C1RL: variants seen among roughly 807,000 people sequenced by gnomAD.
The protein encoded by C1RL is complement C1r subcomponent like.
Under a neutral mutation model 27.9 loss-of-function variants are expected in C1RL, and 27 were observed. The ratio of observed to expected loss-of-function variants is 0.97; its 90% CI spans 0.71 to 1.33. The LOEUF is 1.33. C1RL is among the 40% of genes most tolerant of loss of function. The pLI is 0.00. For missense variants in C1RL, 563 were observed against 623.9 expected, an observed-to-expected ratio of 0.90 and a Z score of 1.04; for synonymous variants, 248 against 252.1, an observed-to-expected ratio of 0.98 and a Z score of 0.15.
At chr12:7,100,103 G>A in intron 3 of C1RL, 77 bp from the exon 4 acceptor site, 7 of 1,412,654 alleles carry the variant, frequency 5.0e-6, no homozygotes, top group Non-Finnish European at 6.7e-6. Flanking sequence ...GCTATACTTG[G>A]TTTGACTTGC....
At position 7,097,598 on chromosome 12, in the gene C1RL, T is replaced by C. The variant is rs117698471; in HGVS notation, c.692-435A>G. ...CGCCTGGCCGGGATCAGGACTCTTA[T>C]ACTGATGCAGACCCACGGTGTAGAC... is the stretch of plus-strand genomic sequence containing the variant. On this transcript the variant is annotated intron_variant, in intron 5 of 5. Transcript: ENST00000266542. 2.9e-3 allele frequency among the ~76,000 whole-genome samples: 448 copies of C among 152,238 alleles called. 7 individuals carry two copies. Among genetic ancestry groups the C allele is most frequent in the East Asian group, 0.026 (134 of 5,144 alleles).
In C1RL at chr12:7,096,748, G is replaced by T. The variant is rs774044185; in HGVS notation, c.1107C>A (p.Ser369Arg). ...CLPDNETLYR[S>R]GLLGYVSGFG... ...ACCCACTGACGTAGCCCAACAAGCCGCTGCGGTAGAGGGTCTCATTATCGG... is the reference window on the plus strand; with the variant it reads ...ACCCACTGACGTAGCCCAACAAGCCTCTGCGGTAGAGGGTCTCATTATCGG... Residue 369 changes from serine (S) to arginine (R), a missense_variant, in exon 6 of 6, where the codon AGC (serine) becomes AGA (arginine). Ser to Arg is a moderately radical substitution (Grantham distance 110). Transcript: ENST00000266542. 6.2e-7 allele frequency: 1 copy of T among 1,611,094 alleles called. No homozygotes were observed. Among genetic ancestry groups the T allele is most frequent in the Non-Finnish European group, 8.5e-7 (1 of 1,178,270 alleles).
intron 1 of C1RL, 84 bp downstream of exon 1, chr12:7,109,026 G>T (rs1202475851): frequency 9.2e-6 from 5 of 544,886 alleles, no homozygotes; most frequent in East Asian, 5.6e-5. Context: ...GGGGTAGGGT[G>T]GGGGGAGGGA....
chr12:7,099,056 AAT>A (rs1446997819), intron 5 of C1RL, among the ~76,000 whole-genome samples: 7 of 145,804 alleles, frequency 4.8e-5, no homozygotes, highest in Admixed American at 3.4e-4. Context: ...AAAAAAAAAA[AAT>A]AAAATAAAAT....
rs200720903 is a variant in C1RL at position 7,101,869 on chromosome 12, C to T, written c.490+29G>A. 4 of 1,609,572 alleles carry T rather than the reference C, an allele frequency of 2.5e-6. No individual in the cohort carries two copies. The African/African-American group carries it at 5.3e-5, about 21-fold the overall frequency. On this transcript the variant is annotated intron_variant, in intron 3 of 5. Coordinates refer to ENST00000266542, the MANE Select transcript of C1RL (RefSeq NM_016546.4). Reference sequence around the variant, plus strand: ...GGTCATGGCTGGGAACAGAGGCTCCCTCCCTGCACCCCCAGGAGGGACACT... The same window carrying T: ...GGTCATGGCTGGGAACAGAGGCTCCTTCCCTGCACCCCCAGGAGGGACACT...
At chr12:7,108,996 G>GT in intron 1 of C1RL, 114 bp downstream of exon 1, 1 of 390,004 alleles carries the variant, frequency 2.6e-6, no homozygotes, top group Non-Finnish European at 4.6e-6. Flanking sequence ...TGTGGGGGGG[G>GT]GGGGGATGTG....
At position 7,094,678 on chromosome 12, in the gene C1RL, G is replaced by C; in HGVS notation, c.*1713C>G. ...CATTAAACAAATTTTAGCCAATAGA[G>C]AATAGTGGAAAACCAAACAGCCAAA... On this transcript the variant is annotated 3_prime_UTR_variant, in exon 6 of 6. Transcript: ENST00000266542. 1 of 980,472 alleles carries C rather than the reference G, an allele frequency of 1.0e-6. No homozygotes were observed. The highest frequency in any genetic ancestry group is 1.2e-6 in the Non-Finnish European group (1 of 825,664). 60.7% of individuals were successfully genotyped at this position (980,472 alleles called of 1,614,324 possible).
Position 7,096,838 on chromosome 12 carries a change from G to A in C1RL, c.1017C>T (p.Asp339=), listed in dbSNP as rs1938449607. Residue 339 remains aspartate (D), a synonymous_variant, in exon 6 of 6, where the codon GAC becomes GAT. Coordinates refer to ENST00000266542, the MANE Select transcript of C1RL (RefSeq NM_016546.4). The stretch of plus-strand genomic sequence containing the variant: ...TGTGCTGCAGCTCCAGGAGGGCGAT[G>A]TCCCCGCTAAAGTTATGGGACTCAT... ...RQNESHNFSG[D]IALLELQHSI... 1.2e-6 allele frequency: 2 copies of A among 1,604,116 alleles called. No individual in the cohort carries two copies. The highest frequency in any genetic ancestry group is 2.7e-5 in the African/African-American group (2 of 74,802).
intron 2 of C1RL, among the ~76,000 whole-genome samples, chr12:7,107,293 C>T (rs1044804105): frequency 1.3e-5 from 2 of 152,080 alleles, no homozygotes; most frequent in African/African-American, 4.8e-5. Context: ...TTCAGCGTCC[C>T]TTGTAGCTGG....
At position 7,104,972 on chromosome 12, in the gene C1RL, C is replaced by T. The variant is rs370476981; in HGVS notation, c.301-2885G>A. On this transcript the variant is annotated intron_variant, in intron 2 of 5. Coordinates refer to ENST00000266542, the MANE Select transcript of C1RL (RefSeq NM_016546.4). This position sits in a 1 kb window ranked among gnomAD's most constrained non-coding sequence, Gnocchi z 5.4. ...GATTTTAAGTGAGGACTCACTGTAC[C>T]AAAAACAGAAGGATTAAGTGAAAGT... Among the ~76,000 whole-genome samples, 1 of 152,086 alleles carries T rather than the reference C, an allele frequency of 6.6e-6. No individual in the cohort carries two copies. The highest frequency in any genetic ancestry group is 2.4e-5 in the African/African-American group (1 of 41,388).
In C1RL at chr12:7,109,011, T is replaced by G. The variant is rs1300413721; in HGVS notation, c.71+99A>C. 1,810 of 325,306 alleles carry G rather than the reference T, an allele frequency of 5.6e-3. 27 individuals carry two copies. The highest frequency in any genetic ancestry group is 0.045 in the African/African-American group (524 of 11,628). The allele number at this position is 325,306 out of a possible 1,614,324, so 20.2% of individuals were successfully genotyped here. Reference sequence around the variant, plus strand: ...TGTGGGGGGGGGGGGGATGTGTGTGTGGGGGGGGTAGGGTGGGGGGAGGGA... The same window carrying G: ...TGTGGGGGGGGGGGGGATGTGTGTGGGGGGGGGGTAGGGTGGGGGGAGGGA... On this transcript the variant is annotated intron_variant, in intron 1 of 5. Coordinates refer to ENST00000266542, the MANE Select transcript of C1RL (RefSeq NM_016546.4).
Position 7,096,913 on chromosome 12 carries a change from C to T in C1RL, c.942G>A (p.Leu314=), listed in dbSNP as rs1263186048. The T allele has an allele frequency of 2.1e-5, 33 of 1,603,118 alleles. No homozygotes were observed. Among genetic ancestry groups the T allele is most frequent in the Non-Finnish European group, 2.8e-5 (33 of 1,172,876 alleles). ...CGACACGGTGGACAGGGTGGTTCCC[C>T]AGTTTCAGCATCTCATCTATGGCTG... ...GHTAIDEMLK[L]GNHPVHRVVV... is the part of the protein sequence containing the mutation. The change falls in exon 6 of 6, where the codon CTG becomes CTA. Residue 314 remains leucine (L), a synonymous_variant. Coordinates refer to ENST00000266542, the MANE Select transcript of C1RL (RefSeq NM_016546.4).
At chr12:7,105,862 T>C (rs1938752603) in intron 2 of C1RL, among the ~76,000 whole-genome samples, 1 of 152,094 alleles carries the variant, frequency 6.6e-6, no homozygotes, top group Non-Finnish European at 1.5e-5. Context: ...GATGGGGATT[T>C]AAAGATGAGA....
chr12:7,099,926 C>T lies in C1RL; in HGVS notation c.591G>A (p.Glu197=). The part of the protein sequence containing the change: ...NPAKVQNHCQ[E]PYYQAAAAGA... The stretch of plus-strand genomic sequence containing the variant: ...CTGCTGCCGCGGCCTGATAATAGGG[C>T]TCCTGGCAGTGGTTCTGGACCTTGG... The change falls in exon 4 of 6, where the codon GAG becomes GAA. Residue 197 remains glutamate, a synonymous_variant. Coordinates refer to ENST00000266542, the MANE Select transcript of C1RL (RefSeq NM_016546.4). The T allele has an allele frequency of 1.2e-6, 2 of 1,614,110 alleles. No homozygotes were observed. The highest frequency in any genetic ancestry group is 1.7e-6 in the Non-Finnish European group (2 of 1,180,032).
In C1RL at chr12:7,108,395, C is replaced by G; in HGVS notation, c.156G>C (p.Leu52=). The part of the protein sequence containing the change: ...VLLAQELPQQ[L]TSPGYPEPYG... ...ACGGCTCTGGGTACCCGGGGGATGTCAGCTGCTGGGGTAGCTCTTGGGCCA... is the reference window on the plus strand; with the variant it reads ...ACGGCTCTGGGTACCCGGGGGATGTGAGCTGCTGGGGTAGCTCTTGGGCCA... The change falls in exon 2 of 6, where the codon CTG becomes CTC. Residue 52 remains leucine (L), a synonymous_variant. Coordinates refer to ENST00000266542, the MANE Select transcript of C1RL (RefSeq NM_016546.4). 4.3e-6 allele frequency: 7 copies of G among 1,614,122 alleles called. No homozygotes were observed. The highest frequency in any genetic ancestry group is 2.2e-5 in the South Asian group (2 of 91,052).
chr12:7,100,599 G>T (rs767368373), intron 3 of C1RL, among the ~76,000 whole-genome samples: 2 of 152,158 alleles, frequency 1.3e-5, no homozygotes, highest in Non-Finnish European at 2.9e-5. Flanking sequence ...TTTGAGACCA[G>T]CCTGGCCAAC....
chr12:7,101,116 TCCCTCCC>T (rs1565636814), intron 3 of C1RL, among the ~76,000 whole-genome samples: 795 of 6,522 alleles, frequency 0.12, 6 homozygotes, highest in East Asian at 0.2. Context: ...CTTCCCTCCC[TCCCTCCC>T]TCCTTCTTCC....
chr12:7,107,179 T>A (rs1565639181), intron 2 of C1RL, among the ~76,000 whole-genome samples: 1 of 151,996 alleles, frequency 6.6e-6, no homozygotes, highest in Non-Finnish European at 1.5e-5. Context: ...AACCTTTTTT[T>A]TTTTTTGGAG....
intron 2 of C1RL, among the ~76,000 whole-genome samples, chr12:7,107,856 T>G (rs907023142): frequency 6.6e-6 from 1 of 152,234 alleles, no homozygotes; most frequent in Non-Finnish European, 1.5e-5. Context: ...AACGGTGACT[T>G]AATCTTTTGT....
Sources: gnomAD v4.1 joint callset for allele counts (sites outside exome capture counted in the v4.1 genomes callset) on GRCh38, gnomAD v4.1.1 for gene constraint, Gnocchi (gnomAD v3.1) non-coding constraint, MANE v1.5 for transcripts, NCBI Gene and HGNC (gene_info 2026-07-23, HGNC 2026-07-21) for gene names.